CSMD3: variants seen among roughly 807,000 people sequenced by gnomAD.
CSMD3 encodes CUB and sushi domain-containing protein 3.
CSMD3 carries 177 observed loss-of-function variants against 435.2 expected under a neutral mutation model. The observed-to-expected ratio is 0.41, with a 90% CI of 0.36 to 0.46. The LOEUF (loss-of-function observed/expected upper bound fraction) is 0.46, where lower values mean the gene tolerates loss of function less well. Ranked by LOEUF, CSMD3 falls within the 20% of genes least tolerant of loss-of-function variation. CSMD3 has a pLI of 0.34. For missense variants in CSMD3, 4,265 were observed against 4,504.6 expected (o/e 0.95, Z 1.52); for synonymous variants, 1,656 against 1,520.5 (o/e 1.09, Z -2.07).
chr8:112,563,405 C>CT (rs200729243), intron 24 of CSMD3, among the ~76,000 whole-genome samples: 1,427 of 141,844 alleles, frequency 0.01, 19 homozygotes, highest in African/African-American at 0.031. Flanking sequence ...ATAAAAGGAT[C>CT]TTTTTTTTTT....
At chr8:112,568,468 G>A (rs965287671) in intron 24 of CSMD3, among the ~76,000 whole-genome samples, 14 of 151,466 alleles carry the variant, frequency 9.2e-5, no homozygotes, top group African/African-American at 2.2e-4. Flanking sequence ...GGTGGTGGGC[G>A]CCTGTAATCC....
At chr8:112,278,948 A>C (rs751307967) in intron 59 of CSMD3, among the ~76,000 whole-genome samples, 1 of 152,030 alleles carries the variant, frequency 6.6e-6, no homozygotes, top group Non-Finnish European at 1.5e-5. Flanking sequence ...GATACATATA[A>C]ATAAGGACAG....
chr8:112,851,371 C>T (rs2080481359), intron 11 of CSMD3, among the ~76,000 whole-genome samples: 2 of 152,136 alleles, frequency 1.3e-5, no homozygotes, highest in South Asian at 4.1e-4. Context: ...GGCCCAGTTT[C>T]ACGTTTTTTC....
At chr8:112,453,514 T>C (rs566469493) in intron 32 of CSMD3, among the ~76,000 whole-genome samples, 79 of 152,140 alleles carry the variant, frequency 5.2e-4, no homozygotes, top group African/African-American at 1.7e-3. Context: ...ACATTTACAA[T>C]AGCCACAAAA....
intron 1 of CSMD3, among the ~76,000 whole-genome samples, chr8:113,347,024 C>T (rs954290727): frequency 2.6e-5 from 4 of 151,966 alleles, no homozygotes; most frequent in African/African-American, 9.7e-5. Flanking sequence ...CACCCTTTTC[C>T]TCACAGTTTA....
At chr8:112,493,398 G>T (rs1039370548) in intron 30 of CSMD3, among the ~76,000 whole-genome samples, 15 of 152,000 alleles carry the variant, frequency 9.9e-5, no homozygotes, top group African/African-American at 3.6e-4. Flanking sequence ...ACTGAACCTA[G>T]AAGTGGTTTT....
At chr8:112,842,901 T>TA (rs1299928874) in intron 11 of CSMD3, among the ~76,000 whole-genome samples, 32 of 151,746 alleles carry the variant, frequency 2.1e-4, no homozygotes, top group South Asian at 2.1e-4. Context: ...CTCGTGATGT[T>TA]AAAAAAACTA....
intron 1 of CSMD3, among the ~76,000 whole-genome samples, chr8:113,337,095 C>T (rs1281282106): frequency 6.6e-6 from 1 of 152,016 alleles, no homozygotes; most frequent in Non-Finnish European, 1.5e-5. Context: ...GTTATTGGTG[C>T]TTTTTGTGAC....
At chr8:113,327,289 T>G (rs2093990501) in intron 1 of CSMD3, among the ~76,000 whole-genome samples, 1 of 152,194 alleles carries the variant, frequency 6.6e-6, no homozygotes, top group Non-Finnish European at 1.5e-5. Context: ...ATGACTTGTA[T>G]TTGGTGGTAC....
At chr8:113,225,179 T>C (rs2093012896) in intron 3 of CSMD3, among the ~76,000 whole-genome samples, 1 of 151,398 alleles carries the variant, frequency 6.6e-6, no homozygotes, top group Non-Finnish European at 1.5e-5. Context: ...CCTAGGATTA[T>C]CAAATTTGAT....
chr8:112,824,165 C>G (rs1009750862), intron 12 of CSMD3, among the ~76,000 whole-genome samples: 2 of 151,280 alleles, frequency 1.3e-5, no homozygotes, highest in African/African-American at 4.9e-5. Context: ...TTTTGCTTTC[C>G]ATTTGCTTGG....
In CSMD3 at chr8:112,975,932, G is replaced by C. The variant is rs144610864; in HGVS notation, c.1247C>G (p.Ser416Cys). 1.2e-6 allele frequency: 2 copies of C among 1,614,048 alleles called. No homozygotes were observed. The highest frequency in any genetic ancestry group is 2.2e-5 in the South Asian group (2 of 91,088). Residue 416 changes from serine to cysteine, a missense_variant, in exon 7 of 71, where the codon TCT becomes TGT. Transcript: ENST00000297405. ...ACTTTGTGTATCTGCTGGATGAGGA[G>C]AGAGCCCGTCCTTGGACGTGTTGGG... The part of the protein sequence containing the change: ...LDPNTSKDGL[S>C]PHPADTQSTR...
At chr8:112,261,659 G>A (rs1027104795) in intron 61 of CSMD3, among the ~76,000 whole-genome samples, 1 of 151,940 alleles carries the variant, frequency 6.6e-6, no homozygotes, top group African/African-American at 2.4e-5. Context: ...GAAAATTCCA[G>A]TAGGGCATAT....
intron 23 of CSMD3, among the ~76,000 whole-genome samples, chr8:112,575,737 T>G (rs890038579): frequency 6.6e-6 from 1 of 152,122 alleles, no homozygotes; most frequent in African/African-American, 2.4e-5. Context: ...TTCTTAAGAA[T>G]AGTAGTCATT....
intron 35 of CSMD3, among the ~76,000 whole-genome samples, chr8:112,402,608 G>T (rs1831437891): frequency 6.6e-6 from 1 of 151,940 alleles, no homozygotes; most frequent in Admixed American, 6.6e-5. Flanking sequence ...TTACAGCATT[G>T]ATATTTTCTG....
At chr8:112,698,887 C>G (rs2076318855) in intron 13 of CSMD3, among the ~76,000 whole-genome samples, 1 of 152,052 alleles carries the variant, frequency 6.6e-6, no homozygotes, top group African/African-American at 2.4e-5. Context: ...GTGTGTCTCG[C>G]TAAAGGTTTG....
chr8:112,345,042 C>A (rs1825530682), intron 41 of CSMD3, among the ~76,000 whole-genome samples: 1 of 151,858 alleles, frequency 6.6e-6, no homozygotes, highest in Non-Finnish European at 1.5e-5. Flanking sequence ...AGGGTATATC[C>A]ATACATAGCG....
chr8:112,743,606 T>G (rs1241048822), intron 13 of CSMD3, among the ~76,000 whole-genome samples: 1 of 151,980 alleles, frequency 6.6e-6, no homozygotes, highest in Non-Finnish European at 1.5e-5. Context: ...GATATTATTA[T>G]AATTTTTAAT....
chr8:112,877,352 GCCACT>G (rs2130140142), intron 10 of CSMD3, among the ~76,000 whole-genome samples: 1 of 151,700 alleles, frequency 6.6e-6, no homozygotes, highest in African/African-American at 2.4e-5. Context: ...TGCAACCTCT[GCCACT>G]CAGGTTCAAG....
Sources: allele counts gnomAD v4.1 joint callset (sites outside exome capture counted in the v4.1 genomes callset), GRCh38; gene constraint gnomAD v4.1.1; transcripts MANE v1.5; gene names NCBI Gene and HGNC (gene_info 2026-07-23, HGNC 2026-07-21).